Variants in ELFN1 observed in about 807,000 individuals in gnomAD.
ELFN1 encodes the protein protein ELFN1.
A neutral mutation model predicts 7.6 loss-of-function variants in ELFN1; 6 were observed. The observed-to-expected ratio is 0.79, with a 90% confidence interval of 0.43 to 1.56. ELFN1 has a LOEUF of 1.56. Among genes scored for constraint, ELFN1 ranks in the 40% most tolerant of loss-of-function variants. The pLI, the probability that ELFN1 is intolerant of heterozygous loss-of-function variation, is 0.01. For missense variants in ELFN1, 1,169 were observed against 1,232.2 expected (o/e 0.95, Z 0.77); for synonymous variants, 657 against 588.1 (o/e 1.12, Z -1.70).
intron 1 of ELFN1, among the ~76,000 whole-genome samples, chr7:1,684,971 G>C (rs559865711): frequency 6.6e-6 from 1 of 152,204 alleles, no homozygotes; most frequent in East Asian, 1.9e-4. Context: ...CTGTGAATTT[G>C]AATTACCATC....
intron 1 of ELFN1, among the ~76,000 whole-genome samples, chr7:1,674,776 G>C (rs1249842709): frequency 1.3e-5 from 2 of 152,166 alleles, no homozygotes; most frequent in Non-Finnish European, 2.9e-5. Flanking sequence ...CATGAGGCTG[G>C]GGTATATTGG....
chr7:1,679,179 G>GCGCA (rs1778929394), intron 1 of ELFN1, among the ~76,000 whole-genome samples: 3 of 150,298 alleles, frequency 2.0e-5, no homozygotes, highest in African/African-American at 7.4e-5. Context: ...ACGTACGCGC[G>GCGCA]CACACACACA....
intron 2 of ELFN1, among the ~76,000 whole-genome samples, chr7:1,700,894 C>T (rs1779414027): frequency 6.6e-6 from 1 of 152,180 alleles, no homozygotes; most frequent in African/African-American, 2.4e-5. Flanking sequence ...CGTGTGGATG[C>T]CCTCATTTGT....
At chr7:1,680,301 A>G (rs993812928) in intron 1 of ELFN1, among the ~76,000 whole-genome samples, 2 of 152,100 alleles carry the variant, frequency 1.3e-5, no homozygotes, top group African/African-American at 2.4e-5. Context: ...TTGGGAAGGT[A>G]CCCCAAGGTC....
intron 2 of ELFN1, among the ~76,000 whole-genome samples, chr7:1,698,719 CCTT>C (rs1779367478): frequency 6.6e-6 from 1 of 152,216 alleles, no homozygotes; most frequent in South Asian, 2.1e-4. Context: ...TAGAGCTTCT[CCTT>C]CTGGTCTTTT....
intron 2 of ELFN1, among the ~76,000 whole-genome samples, chr7:1,698,377 C>T (rs905305958): frequency 1.7e-4 from 26 of 152,180 alleles, no homozygotes; most frequent in African/African-American, 6.0e-4. Context: ...CTTTGCTAAG[C>T]AAATTAGCAC....
upstream of ELFN1, among the ~76,000 whole-genome samples, chr7:1,669,008 CTAAATTACTAAATTCGGG>C (rs1778712264): frequency 6.6e-6 from 1 of 152,230 alleles, no homozygotes. Flanking sequence ...GCCACAAGCT[CTAAATTACTAAATTCGGG>C]CCAGTGCTGG....
Position 1,740,035 on chromosome 7 carries a change from G to A in ELFN1, c.-293-4269G>A, listed in dbSNP as rs1334727019. Among the ~76,000 whole-genome samples, 1 of 152,220 alleles carries A rather than the reference G, an allele frequency of 6.6e-6. No homozygotes were observed. Among genetic ancestry groups the A allele is most frequent in the African/African-American group, 2.4e-5 (1 of 41,454 alleles). On this transcript the variant is annotated intron_variant, in intron 3 of 3. Coordinates refer to ENST00000424383, the MANE Select transcript of ELFN1 (RefSeq NM_001128636.4). This position sits in a 1 kb window ranked among gnomAD's most constrained non-coding sequence, Gnocchi z 5.0. ...GGCACTCCAGAGCCACAGGGGACCC[G>A]TGGCCACCCTGTTGGACAGCGCAAG...
rs896811173 is a variant in ELFN1 at position 1,747,911 on chromosome 7, A to G, written c.*828A>G. ...AAAAAAAAAAAAAAAGACTATGTCT[A>G]CTTAAAAAAAAATCTGCAAAGGAAA... is the stretch of plus-strand genomic sequence containing the variant. On this transcript the variant is annotated 3_prime_UTR_variant, in exon 4 of 4. Coordinates refer to ENST00000424383, the MANE Select transcript of ELFN1 (RefSeq NM_001128636.4). 7.8e-5 allele frequency: 13 copies of G among 165,704 alleles called. No homozygotes were observed. The highest frequency in any genetic ancestry group is 1.5e-4 in the Non-Finnish European group (10 of 67,936). The allele number at this position is 165,704 out of a possible 1,614,324, so 10.3% of individuals were successfully genotyped here.
At chr7:1,709,022 G>C (rs1461349726) in intron 2 of ELFN1, 69 bp from the exon 3 acceptor site, 1 of 152,234 alleles carries the variant, frequency 6.6e-6, no homozygotes, top group Non-Finnish European at 1.5e-5. Flanking sequence ...GGGTCTTCCA[G>C]CAGCTGAGAC....
At chr7:1,698,023 C>T (rs1002174557) in intron 2 of ELFN1, among the ~76,000 whole-genome samples, 3 of 152,218 alleles carry the variant, frequency 2.0e-5, no homozygotes, top group Non-Finnish European at 4.4e-5. Flanking sequence ...TTGGAGAAGA[C>T]ATCAGACTTT....
At chr7:1,727,389 C>G (rs886124951) in intron 3 of ELFN1, among the ~76,000 whole-genome samples, 1 of 152,284 alleles carries the variant, frequency 6.6e-6, no homozygotes, top group East Asian at 1.9e-4. Context: ...TTTCCAGAGG[C>G]CAAGAAACTA....
chr7:1,671,511 T>G (rs1778766884), intron 1 of ELFN1, among the ~76,000 whole-genome samples: 1 of 152,202 alleles, frequency 6.6e-6, no homozygotes, highest in Non-Finnish European at 1.5e-5. Context: ...GGACAGAAGC[T>G]GTGGAGGGAC....
rs142522381 is a variant in ELFN1, at chr7:1,721,193, C to T, written c.-294+11941C>T. On this transcript the variant is annotated intron_variant, in intron 3 of 3. Coordinates refer to ENST00000424383, the MANE Select transcript of ELFN1 (RefSeq NM_001128636.4). ...CAACTTGCACTGGGGGAGGGAGAGCCGGTGGGAGGCAGTTACATGGCTGAT... is the reference window on the plus strand; with the variant it reads ...CAACTTGCACTGGGGGAGGGAGAGCTGGTGGGAGGCAGTTACATGGCTGAT... Among the ~76,000 whole-genome samples the T allele has an allele frequency of 2.7e-3, 408 of 152,260 alleles. 2 individuals are homozygous for T. The highest frequency in any genetic ancestry group is 9.4e-3 in the African/African-American group (390 of 41,538).
At chr7:1,702,767 G>A (rs565234783) in intron 2 of ELFN1, among the ~76,000 whole-genome samples, 11 of 151,428 alleles carry the variant, frequency 7.3e-5, no homozygotes, top group African/African-American at 1.7e-4. Flanking sequence ...TGTGAATAGC[G>A]AGAGCTTCGT....
intron 2 of ELFN1, among the ~76,000 whole-genome samples, chr7:1,707,863 C>G (rs185726904): frequency 6.6e-6 from 1 of 152,182 alleles, no homozygotes; most frequent in Non-Finnish European, 1.5e-5. Flanking sequence ...GGTTCCTGTT[C>G]GCCTTCTAGC....
At position 1,746,447 on chromosome 7, in the gene ELFN1, G is replaced by C; in HGVS notation, c.1851G>C (p.Lys617Asn). The change falls in exon 4 of 4, where the codon AAG becomes AAC. Residue 617 changes from lysine (K) to asparagine (N), a missense_variant. By Grantham distance (94) the Lys-to-Asn change is moderately conservative. Around this residue, in one of 2 missense-constraint regions of ELFN1, gnomAD observed 914 missense variants for 872.6 expected, o/e 1.05. Coordinates refer to ENST00000424383, the MANE Select transcript of ELFN1 (RefSeq NM_001128636.4). Reference sequence around the variant, plus strand: ...ACGGCTTCCTGGCGCCCGGGTACAAGGACGCCTTCGGCCACAGCCTGCAGC... The same window carrying C: ...ACGGCTTCCTGGCGCCCGGGTACAACGACGCCTTCGGCCACAGCCTGCAGC... ...AKHGFLAPGY[K>N]DAFGHSLQRH... The C allele has an allele frequency of 6.5e-7, 1 of 1,528,790 alleles. No homozygotes were observed. The highest frequency in any genetic ancestry group is 8.8e-7 in the Non-Finnish European group (1 of 1,141,808). The allele number at this position is 1,528,790 out of a possible 1,614,324, so 94.7% of individuals were successfully genotyped here. A position where few individuals can be genotyped will look rare whatever the true frequency, so the allele number is the denominator to read the frequency against.
rs560272474 is a variant in ELFN1, at chr7:1,728,470, G to C, written c.-293-15834G>C. 3.3e-5 allele frequency among the ~76,000 whole-genome samples: 5 copies of C among 152,362 alleles called. No individual in the cohort carries two copies. The South Asian group carries it at 8.3e-4, about 25-fold the overall frequency. ...GAGCAGAAGCCAGCTGCTGCCAACA[G>C]GCACCCAGTCCTCTTCACTCAGGGT... On this transcript the variant is annotated intron_variant, in intron 3 of 3. Transcript: ENST00000424383.
At chr7:1,736,350 A>AGCCCCG (rs1384562580) in intron 3 of ELFN1, among the ~76,000 whole-genome samples, 35 of 152,004 alleles carry the variant, frequency 2.3e-4, no homozygotes, top group Admixed American at 6.6e-4. Flanking sequence ...TCCTCAGTCC[A>AGCCCCG]GCCCCGGCCC....
Sources: allele counts gnomAD v4.1 joint callset (sites outside exome capture counted in the v4.1 genomes callset), GRCh38; gene constraint gnomAD v4.1.1; regional missense constraint gnomAD v4.1.1; non-coding constraint Gnocchi (gnomAD v3.1); transcripts MANE v1.5; gene names NCBI Gene and HGNC (gene_info 2026-07-23, HGNC 2026-07-21).